The following USP9Y variants were observed in gnomAD, a reference collection of about 807,000 sequenced individuals.
USP9Y encodes the protein ubiquitin specific peptidase 9 Y-linked, also known as ubiquitin carboxyl-terminal hydrolase 9Y.
USP9Y carries 41 observed loss-of-function variants against 53.1 expected under a neutral mutation model. The observed-to-expected ratio is 0.77, with a 90% CI of 0.60 to 1.00. The LOEUF is 1.00. Ranked by LOEUF, USP9Y falls within the 50% of genes least tolerant of loss-of-function variation. USP9Y has a pLI of 0.00. For synonymous variants in USP9Y, 220 were observed against 173.7 expected, an observed-to-expected ratio of 1.27 and a Z score of -2.09; for missense variants, 567 against 535.8, an observed-to-expected ratio of 1.06 and a Z score of -0.58.
At chrY:12,806,467 A>G in intron 27 of USP9Y, among the ~76,000 whole-genome samples, 1 of 33,844 alleles carries the variant, frequency 3.0e-5, no homozygotes, top group Non-Finnish European at 7.3e-5. Flanking sequence ...AGTTGTTATA[A>G]TAGTAATAGC....
chrY:12,726,395 G>A (rs992496521), intron 6 of USP9Y, among the ~76,000 whole-genome samples, 180 bp from the exon 7 acceptor site: 7 of 33,631 alleles, frequency 2.1e-4, no homozygotes, highest in Non-Finnish European at 3.7e-4. Flanking sequence ...GCAAATTTAT[G>A]AAATAAATAT....
At chrY:12,799,903 C>T (rs949689008) in intron 27 of USP9Y, among the ~76,000 whole-genome samples, 8 of 33,514 alleles carry the variant, frequency 2.4e-4, no homozygotes, top group Admixed American at 5.3e-4. Flanking sequence ...AGTCCCCTCC[C>T]GTTGTATAGG....
chrY:12,857,695 C>G, intron 45 of USP9Y, 34 bp downstream of exon 45: 1 of 296,879 alleles, frequency 3.4e-6, no homozygotes, highest in Non-Finnish European at 5.0e-6. Flanking sequence ...TCCCCCAAAC[C>G]CATTTTGATG....
intron 7 of USP9Y, among the ~76,000 whole-genome samples, chrY:12,733,517 T>TATC (rs2053449072): frequency 3.5e-5 from 1 of 28,886 alleles, no homozygotes; most frequent in South Asian, 8.2e-4. Flanking sequence ...ATTTTTATAT[T>TATC]ATTATTATTA....
At chrY:12,728,864 TCTG>T (rs2053444961) in intron 7 of USP9Y, among the ~76,000 whole-genome samples, 1 of 33,687 alleles carries the variant, frequency 3.0e-5, no homozygotes, top group African/African-American at 1.2e-4. Context: ...TTTATATTCT[TCTG>T]CTATCTTTGG....
intron 33 of USP9Y, among the ~76,000 whole-genome samples, chrY:12,822,276 G>A: frequency 3.1e-5 from 1 of 32,711 alleles, no homozygotes; most frequent in Non-Finnish European, 7.5e-5. Context: ...GTGATATTAG[G>A]CCCTTAAAGA....
At chrY:12,856,029 TAGTA>T (rs2053575828) in intron 42 of USP9Y, among the ~76,000 whole-genome samples, 1 of 32,434 alleles carries the variant, frequency 3.1e-5, no homozygotes, top group Non-Finnish European at 7.6e-5. Context: ...AATTTGCTCT[TAGTA>T]ATTTTTGTGA....
chrY:12,771,055 G>C lies in USP9Y; in HGVS notation c.1901-13G>C. On this transcript the variant is annotated splice_polypyrimidine_tract_variant and intron_variant, in intron 15 of 45. Transcript: ENST00000338981. ...ATACATGTGTATAATGCATAATTTT[G>C]GTTTATTTGCAGATCATGAAGACTA... 2.7e-6 allele frequency: 1 copy of C among 375,685 alleles called. No individual in the cohort carries two copies. The highest frequency in any genetic ancestry group is 9.4e-5 in the East Asian group (1 of 10,693). 93.7% of individuals were successfully genotyped at this position (375,685 alleles called of 400,897 possible).
chrY:12,808,337 A>G, intron 27 of USP9Y, among the ~76,000 whole-genome samples: 1 of 33,987 alleles, frequency 2.9e-5, no homozygotes, highest in East Asian at 7.7e-4. Flanking sequence ...GACAGACTAG[A>G]AATAAAACAC....
intron 7 of USP9Y, among the ~76,000 whole-genome samples, chrY:12,727,184 C>T (rs1034566314): frequency 1.8e-4 from 6 of 33,887 alleles, no homozygotes; most frequent in African/African-American, 6.9e-4. Flanking sequence ...CAGCAGAATG[C>T]TTACATATAT....
chrY:12,723,509 C>T (rs2148280429), intron 5 of USP9Y, among the ~76,000 whole-genome samples: 1 of 28,627 alleles, frequency 3.5e-5, no homozygotes, highest in African/African-American at 1.4e-4. Context: ...CCTGCCTCAG[C>T]CTCCCGGTAG....
intron 27 of USP9Y, among the ~76,000 whole-genome samples, chrY:12,809,901 CCT>C (rs2053528078): frequency 3.0e-5 from 1 of 32,855 alleles, no homozygotes; most frequent in African/African-American, 1.2e-4. Flanking sequence ...CACCCCGACC[CCT>C]GATTCACAGT....
At chrY:12,843,333 C>A in intron 39 of USP9Y, 140 bp downstream of exon 39, 1 of 137,176 alleles carries the variant, frequency 7.3e-6, no homozygotes. Context: ...AAATGCATTG[C>A]AAATTTTCTG....
chrY:12,773,452 T>A, intron 16 of USP9Y, 131 bp from the exon 17 acceptor site: 1 of 176,764 alleles, frequency 5.7e-6, no homozygotes, highest in Non-Finnish European at 1.0e-5. Context: ...ACAAATTATT[T>A]TGAAAGAATT....
intron 11 of USP9Y, among the ~76,000 whole-genome samples, chrY:12,738,522 G>T: frequency 6.1e-5 from 2 of 32,532 alleles, no homozygotes; most frequent in Admixed American, 2.8e-4. Context: ...CTTATAGGTA[G>T]TTTTTTTGGT....
intron 27 of USP9Y, among the ~76,000 whole-genome samples, chrY:12,807,685 T>C: frequency 3.1e-5 from 1 of 31,879 alleles, no homozygotes; most frequent in African/African-American, 1.2e-4. Flanking sequence ...TTTTATAGTC[T>C]TTGTGTATAA....
intron 7 of USP9Y, among the ~76,000 whole-genome samples, chrY:12,735,065 G>A (rs2053450180): frequency 6.0e-5 from 1 of 16,753 alleles, no homozygotes; most frequent in Non-Finnish European, 1.3e-4. Context: ...GCAAGACTCC[G>A]TCTCCAAAAA....
chrY:12,806,851 T>G (rs964463648), intron 27 of USP9Y, among the ~76,000 whole-genome samples: 1 of 33,386 alleles, frequency 3.0e-5, no homozygotes, highest in East Asian at 7.9e-4. Context: ...GCTTCTCCCT[T>G]TCTGTTTTTA....
chrY:12,718,126 C>G, intron 3 of USP9Y, among the ~76,000 whole-genome samples: 1 of 34,063 alleles, frequency 2.9e-5, no homozygotes, highest in Non-Finnish European at 7.3e-5. Context: ...ACTTTCCACA[C>G]TTTCCGTGAT....
Sources: allele counts gnomAD v4.1 joint callset (sites outside exome capture counted in the v4.1 genomes callset), GRCh38; gene constraint gnomAD v4.1.1; transcripts MANE v1.5; gene names NCBI Gene and HGNC (gene_info 2026-07-23, HGNC 2026-07-21).